ADAMTSL1: variants seen among roughly 807,000 people sequenced by gnomAD.
ADAMTSL1 encodes the protein ADAMTS-like protein 1.
In ADAMTSL1, 126 loss-of-function variants were observed where a neutral mutation model predicts 201.8. The observed-to-expected ratio is 0.62, with a 90% confidence interval of 0.54 to 0.72. The LOEUF is 0.72. Among genes scored for constraint, ADAMTSL1 ranks in the 30% least tolerant of loss-of-function variants. ADAMTSL1 has a pLI of 0.00. For missense variants in ADAMTSL1, 2,679 were observed against 2,277.8 expected (o/e 1.18, Z -3.59); for synonymous variants, 1,121 against 903.4 (o/e 1.24, Z -4.32).
chr9:18,055,327 T>G (rs1000456627), intron 1 of ADAMTSL1, among the ~76,000 whole-genome samples: 5 of 152,196 alleles, frequency 3.3e-5, no homozygotes, highest in Non-Finnish European at 7.3e-5. Flanking sequence ...AAGCATTTGT[T>G]TATAATCATC....
chr9:18,252,835 A>G (rs1831519471), intron 2 of ADAMTSL1, among the ~76,000 whole-genome samples: 1 of 152,200 alleles, frequency 6.6e-6, no homozygotes, highest in South Asian at 2.1e-4. Flanking sequence ...ATCTTGCTGT[A>G]TCTAATAAAA....
At chr9:18,664,198 G>A (rs1429464552) in intron 9 of ADAMTSL1, among the ~76,000 whole-genome samples, 1 of 152,022 alleles carries the variant, frequency 6.6e-6, no homozygotes, top group African/African-American at 2.4e-5. Flanking sequence ...GCTACTCTGA[G>A]GTTAAGATAC....
At chr9:18,292,736 G>T (rs868686944) in intron 2 of ADAMTSL1, among the ~76,000 whole-genome samples, 1 of 152,152 alleles carries the variant, frequency 6.6e-6, no homozygotes, top group East Asian at 1.9e-4. Context: ...CCAATGGTTT[G>T]CCAGGGTCTC....
At chr9:18,660,396 A>G (rs1829004439) in intron 8 of ADAMTSL1, among the ~76,000 whole-genome samples, 1 of 152,192 alleles carries the variant, frequency 6.6e-6, no homozygotes. Context: ...AAACTTTAGA[A>G]AACATGATTA....
At chr9:18,039,301 CA>C (rs1269197047) in intron 1 of ADAMTSL1, among the ~76,000 whole-genome samples, 1 of 152,016 alleles carries the variant, frequency 6.6e-6, no homozygotes, top group African/African-American at 2.4e-5. Context: ...GGGAAAATGT[CA>C]TCTTTTGGAA....
intron 20 of ADAMTSL1, among the ~76,000 whole-genome samples, chr9:18,811,641 T>G (rs543659112): frequency 3.3e-5 from 5 of 152,320 alleles, no homozygotes; most frequent in African/African-American, 9.6e-5. Context: ...AAGGTTTACA[T>G]AAGATCCAGA....
intron 23 of ADAMTSL1, among the ~76,000 whole-genome samples, chr9:18,857,747 C>A (rs1826953463): frequency 6.6e-6 from 1 of 152,190 alleles, no homozygotes. Flanking sequence ...ATTGAACTTA[C>A]CTGCATGAAC....
chr9:18,755,461 T>G (rs7872621), intron 16 of ADAMTSL1, among the ~76,000 whole-genome samples: 104,234 of 152,082 alleles, frequency 0.69, 36,050 homozygotes, highest in East Asian at 0.76. Context: ...ATGCTGACTT[T>G]ACATCTTCCT....
chr9:18,806,112 C>T (rs1403565372), intron 20 of ADAMTSL1, among the ~76,000 whole-genome samples: 6 of 152,190 alleles, frequency 3.9e-5, no homozygotes, highest in African/African-American at 1.4e-4. Context: ...GGAAGGAAGA[C>T]CCATTGGATC....
intron 2 of ADAMTSL1, among the ~76,000 whole-genome samples, chr9:18,395,216 CT>C (rs918687853): frequency 1.3e-5 from 2 of 152,134 alleles, no homozygotes; most frequent in African/African-American, 4.8e-5. Flanking sequence ...TGTAAACTGC[CT>C]TTCAAAACAG....
intron 2 of ADAMTSL1, among the ~76,000 whole-genome samples, chr9:18,400,079 T>C (rs972789338): frequency 3.3e-5 from 5 of 152,208 alleles, no homozygotes; most frequent in Non-Finnish European, 7.3e-5. Flanking sequence ...CTCAAGATAA[T>C]GTCTTTCACT....
intron 1 of ADAMTSL1, among the ~76,000 whole-genome samples, chr9:18,061,642 G>T (rs1822460023): frequency 6.6e-6 from 1 of 152,154 alleles, no homozygotes; most frequent in African/African-American, 2.4e-5. Flanking sequence ...CAGAGAAGCT[G>T]GGATTTTGCT....
At chr9:18,813,958 T>C (rs1283389837) in intron 20 of ADAMTSL1, among the ~76,000 whole-genome samples, 1 of 152,244 alleles carries the variant, frequency 6.6e-6, no homozygotes, top group Non-Finnish European at 1.5e-5. Flanking sequence ...TTGTCATATA[T>C]GGCCTTTATA....
chr9:18,013,191 T>C (rs1820125503), intron 1 of ADAMTSL1, among the ~76,000 whole-genome samples: 1 of 151,990 alleles, frequency 6.6e-6, no homozygotes, highest in Admixed American at 6.6e-5. Context: ...ATAATTACAA[T>C]AATAATTTTA....
chr9:18,674,878 A>C (rs1251306626), intron 9 of ADAMTSL1, among the ~76,000 whole-genome samples: 1 of 152,156 alleles, frequency 6.6e-6, no homozygotes, highest in Admixed American at 6.5e-5. Context: ...CTGTTGCACT[A>C]GCGGTCTTAT....
intron 1 of ADAMTSL1, among the ~76,000 whole-genome samples, chr9:18,498,425 C>T (rs1002335626): frequency 5.9e-5 from 9 of 151,408 alleles, no homozygotes; most frequent in African/African-American, 1.9e-4. Flanking sequence ...CAACCTTCAC[C>T]TCCTGGGTTC....
At chr9:18,599,342 C>G (rs975473877) in intron 4 of ADAMTSL1, among the ~76,000 whole-genome samples, 1 of 152,174 alleles carries the variant, frequency 6.6e-6, no homozygotes, top group African/African-American at 2.4e-5. Context: ...TGGCACCTGT[C>G]TTTTCCTTTC....
chr9:18,563,510 C>G (rs556325631), intron 3 of ADAMTSL1, among the ~76,000 whole-genome samples: 1 of 152,228 alleles, frequency 6.6e-6, no homozygotes, highest in African/African-American at 2.4e-5. Context: ...CTTCACGAGG[C>G]AGCCTGTCCC....
At chr9:18,204,790 G>C (rs1699088694) in intron 2 of ADAMTSL1, among the ~76,000 whole-genome samples, 1 of 152,094 alleles carries the variant, frequency 6.6e-6, no homozygotes, top group African/African-American at 2.4e-5. Context: ...GCAGCAATCT[G>C]GTTGCCCTGG....
Sources: allele counts gnomAD v4.1 joint callset (sites outside exome capture counted in the v4.1 genomes callset), GRCh38; gene constraint gnomAD v4.1.1; transcripts MANE v1.5; gene names NCBI Gene and HGNC (gene_info 2026-07-23, HGNC 2026-07-21).